Variants in LRP1B observed in about 807,000 individuals in gnomAD.
LRP1B encodes low-density lipoprotein receptor-related protein 1B.
In LRP1B, 217 loss-of-function variants were observed where a neutral mutation model predicts 556.6. The observed-to-expected ratio is 0.39, with a 90% CI of 0.35 to 0.44. The LOEUF is 0.44. LRP1B is among the 20% of genes least tolerant of loss of function. The pLI, the probability that LRP1B is intolerant of heterozygous loss-of-function variation, is 1.00. For synonymous variants in LRP1B, 2,047 were observed against 1,865.8 expected (o/e 1.10, Z -2.50); for missense variants, 5,053 against 5,620.8 (o/e 0.90, Z 3.23).
chr2:140,284,372 C>A (rs1163108055), intron 84 of LRP1B, among the ~76,000 whole-genome samples: 3 of 120,676 alleles, frequency 2.5e-5, no homozygotes, highest in African/African-American at 9.6e-5. Context: ...GAAAGGAATT[C>A]ATGGAGAAAT....
chr2:141,040,593 A>T (rs1041986063), intron 11 of LRP1B, among the ~76,000 whole-genome samples: 6 of 151,940 alleles, frequency 3.9e-5, no homozygotes, highest in African/African-American at 1.4e-4. Context: ...GGAGTTCTGA[A>T]GTGGGTCTTA....
chr2:142,127,750 A>G (rs1707707094), intron 1 of LRP1B, among the ~76,000 whole-genome samples: 1 of 152,036 alleles, frequency 6.6e-6, no homozygotes, highest in Non-Finnish European at 1.5e-5. Context: ...GATACATTAA[A>G]ATGACTATAA....
intron 21 of LRP1B, among the ~76,000 whole-genome samples, chr2:140,914,622 A>T (rs1694520705): frequency 6.6e-6 from 1 of 152,148 alleles, no homozygotes; most frequent in Admixed American, 6.6e-5. Flanking sequence ...GAGCAAAAAA[A>T]TTAAGAGAAG....
intron 31 of LRP1B, among the ~76,000 whole-genome samples, chr2:140,824,048 T>A (rs1190322208): frequency 5.3e-5 from 8 of 151,496 alleles, no homozygotes; most frequent in African/African-American, 1.9e-4. Flanking sequence ...ATGACATGAG[T>A]TTACCTATGT....
At chr2:141,906,124 T>A (rs1699753927) in intron 1 of LRP1B, among the ~76,000 whole-genome samples, 1 of 151,632 alleles carries the variant, frequency 6.6e-6, no homozygotes, top group African/African-American at 2.4e-5. Context: ...ACTGTATTTA[T>A]TTGAGGCAGG....
chr2:140,663,832 T>C (rs1265060711), intron 41 of LRP1B, among the ~76,000 whole-genome samples: 2 of 152,220 alleles, frequency 1.3e-5, no homozygotes, highest in Non-Finnish European at 2.9e-5. Context: ...CAACATGCTT[T>C]CCTCACTAAG....
At chr2:141,845,893 C>A (rs1697629584) in intron 1 of LRP1B, among the ~76,000 whole-genome samples, 1 of 151,298 alleles carries the variant, frequency 6.6e-6, no homozygotes, top group Non-Finnish European at 1.5e-5. Context: ...AATATCATGA[C>A]AAATAAAAAT....
intron 1 of LRP1B, among the ~76,000 whole-genome samples, chr2:141,962,096 T>TA (rs1701417980): frequency 6.6e-6 from 1 of 151,806 alleles, no homozygotes; most frequent in Admixed American, 6.6e-5. Context: ...CAGTAATTTT[T>TA]AACCTACAAA....
At chr2:141,543,688 G>A (rs568958727) in intron 2 of LRP1B, among the ~76,000 whole-genome samples, 7 of 151,422 alleles carry the variant, frequency 4.6e-5, no homozygotes, top group East Asian at 1.9e-4. Context: ...TCACACCACC[G>A]CACTTCACCC....
At chr2:140,683,865 C>G (rs1685952035) in intron 41 of LRP1B, 2 of 590,014 alleles carry the variant, frequency 3.4e-6, no homozygotes, top group Non-Finnish European at 6.1e-6. Context: ...CCGCGGCCCC[C>G]TGCGCCTGGG....
At chr2:140,980,924 A>G (rs1318312825) in intron 18 of LRP1B, among the ~76,000 whole-genome samples, 1 of 152,180 alleles carries the variant, frequency 6.6e-6, no homozygotes, top group South Asian at 2.1e-4. Flanking sequence ...AAAAAGGAAT[A>G]AAATTATGTC....
At chr2:140,400,091 A>C (rs1215053008) in intron 66 of LRP1B, among the ~76,000 whole-genome samples, 13 of 152,188 alleles carry the variant, frequency 8.5e-5, no homozygotes, top group Non-Finnish European at 1.5e-5. Context: ...CAAGTGATGA[A>C]GACTTTTTCT....
intron 2 of LRP1B, among the ~76,000 whole-genome samples, chr2:141,778,819 A>C (rs1193736230): frequency 5.9e-5 from 9 of 152,164 alleles, no homozygotes. Flanking sequence ...ACACAGAGAG[A>C]TAGGAGCTAT....
At chr2:141,758,880 A>G (rs1403966769) in intron 2 of LRP1B, among the ~76,000 whole-genome samples, 2 of 152,176 alleles carry the variant, frequency 1.3e-5, no homozygotes, top group Non-Finnish European at 2.9e-5. Flanking sequence ...GAGTGCTGAT[A>G]AAATTATTCT....
chr2:142,087,198 C>A (rs1217977201), intron 1 of LRP1B, among the ~76,000 whole-genome samples: 2 of 152,024 alleles, frequency 1.3e-5, no homozygotes, highest in African/African-American at 4.8e-5. Context: ...AATAATTTTC[C>A]CATTATCCCA....
In LRP1B at chr2:140,247,148, C is replaced by T. The variant is rs752817139; in HGVS notation, c.13262G>A (p.Trp4421Ter). The change falls in exon 87 of 91, where the codon TGG becomes TAG. Residue 4421 changes from tryptophan (W) to a stop codon, truncating the protein, a stop_gained. Coordinates refer to ENST00000389484, the MANE Select transcript of LRP1B (RefSeq NM_018557.3). LOFTEE classifies it high-confidence loss of function. ...NVPVCLCSTN[W>*]SGTQCERPAP... ...TGGCCTTTCACACTGTGTGCCTGACCAGTTGGTGGAGCATCTAAAAATATC... is the reference window on the plus strand; with the variant it reads ...TGGCCTTTCACACTGTGTGCCTGACTAGTTGGTGGAGCATCTAAAAATATC... 1 of 1,608,562 alleles carries T rather than the reference C, an allele frequency of 6.2e-7. No individual in the cohort carries two copies. The highest frequency in any genetic ancestry group is 8.5e-7 in the Non-Finnish European group (1 of 1,176,070).
chr2:140,276,755 T>C (rs187138987), intron 84 of LRP1B, among the ~76,000 whole-genome samples: 1 of 152,100 alleles, frequency 6.6e-6, no homozygotes, highest in East Asian at 2.0e-4. Flanking sequence ...GCAACATTTT[T>C]TTACTATGTC....
chr2:141,940,525 G>A (rs1385730070), intron 1 of LRP1B, among the ~76,000 whole-genome samples: 2 of 152,064 alleles, frequency 1.3e-5, no homozygotes, highest in African/African-American at 2.4e-5. Context: ...CTATGTTTTA[G>A]ATATCGGAAA....
chr2:141,340,625 T>C (rs903114335), intron 3 of LRP1B, among the ~76,000 whole-genome samples: 2 of 152,188 alleles, frequency 1.3e-5, no homozygotes, highest in African/African-American at 4.8e-5. Flanking sequence ...ATCTCTGTAA[T>C]GAGGGACTCC....
Sources: gnomAD v4.1 joint callset for allele counts (sites outside exome capture counted in the v4.1 genomes callset) on GRCh38, gnomAD v4.1.1 for gene constraint, MANE v1.5 for transcripts, NCBI Gene and HGNC (gene_info 2026-07-23, HGNC 2026-07-21) for gene names.